Variants in TMEM117 observed in about 807,000 individuals in gnomAD.
TMEM117 encodes transmembrane protein 117.
In TMEM117, 27 loss-of-function variants were observed where a neutral mutation model predicts 52.4. The observed-to-expected ratio is 0.51, with a 90% CI of 0.38 to 0.71. The LOEUF (loss-of-function observed/expected upper bound fraction) is 0.71. Ranked by LOEUF, TMEM117 falls within the 30% of genes least tolerant of loss-of-function variation. TMEM117 has a pLI of 0.00. For missense variants in TMEM117, 556 were observed against 630.5 expected, an observed-to-expected ratio of 0.88 and a Z score of 1.26; for synonymous variants, 215 against 206.3, an observed-to-expected ratio of 1.04 and a Z score of -0.36.
rs1018844364 is a variant in TMEM117 at position 43,867,098 on chromosome 12, A to G, written c.277+22170A>G. ...GAGCAAAAACTCCATCTCAAGAGAAAAAAAAAAAAGAAAAGACAACAATGT... is the reference window on the plus strand; with the variant it reads ...GAGCAAAAACTCCATCTCAAGAGAAGAAAAAAAAAGAAAAGACAACAATGT... On this transcript the variant is annotated intron_variant, in intron 2 of 7. Coordinates refer to ENST00000266534, the MANE Select transcript of TMEM117 (RefSeq NM_032256.3). 4.6e-5 allele frequency among the ~76,000 whole-genome samples: 7 copies of G among 151,796 alleles called. 1 individual carries two copies. Among genetic ancestry groups the G allele is most frequent in the South Asian group, 2.1e-4 (1 of 4,802 alleles).
chr12:43,826,688 T>C, the TMEM117 span, among the ~76,000 whole-genome samples: 47 of 152,272 alleles, frequency 3.1e-4, 2 homozygotes, highest in South Asian at 3.3e-3. Flanking sequence ...CTTTATAGAC[T>C]TGGAAACTGA....
chr12:44,380,043 G>A (rs1014382574), intron 7 of TMEM117, among the ~76,000 whole-genome samples: 3 of 152,208 alleles, frequency 2.0e-5, no homozygotes, highest in Non-Finnish European at 4.4e-5. Flanking sequence ...CAAGTGATAC[G>A]TCTGCTGGCT....
intron 3 of TMEM117, among the ~76,000 whole-genome samples, chr12:43,964,953 A>AG (rs2044901442): frequency 6.6e-6 from 1 of 152,244 alleles, no homozygotes; most frequent in South Asian, 2.1e-4. Flanking sequence ...AATAAGTCAG[A>AG]GGAATTATAA....
intron 5 of TMEM117, among the ~76,000 whole-genome samples, chr12:44,281,184 A>C (rs1382060752): frequency 1.3e-5 from 2 of 152,188 alleles, no homozygotes; most frequent in Non-Finnish European, 2.9e-5. Context: ...TTGATCTTTC[A>C]TTGTGACATG....
intron 6 of TMEM117, among the ~76,000 whole-genome samples, chr12:44,336,825 A>G (rs73088675): frequency 1.5e-3 from 233 of 152,126 alleles, no homozygotes; most frequent in Non-Finnish European, 2.5e-3. Flanking sequence ...TCAAGCTACA[A>G]TCTACATCTT....
chr12:44,317,497 C>A (rs1951071998), intron 6 of TMEM117, among the ~76,000 whole-genome samples: 1 of 151,968 alleles, frequency 6.6e-6, no homozygotes, highest in African/African-American at 2.4e-5. Flanking sequence ...AGGGTTCAAG[C>A]AATCCTCCTG....
intron 2 of TMEM117, among the ~76,000 whole-genome samples, chr12:43,854,184 C>G (rs1943359451): frequency 6.6e-6 from 1 of 151,914 alleles, no homozygotes; most frequent in South Asian, 2.1e-4. Flanking sequence ...AATCTTGAAG[C>G]AGAATTTAAG....
At chr12:43,958,959 A>G (rs1945355227) in intron 3 of TMEM117, among the ~76,000 whole-genome samples, 1 of 151,784 alleles carries the variant, frequency 6.6e-6, no homozygotes, top group African/African-American at 2.4e-5. Context: ...GGCGCCCACC[A>G]CCACGCCCGG....
At chr12:44,340,574 TGG>T (rs1951403606) in intron 6 of TMEM117, among the ~76,000 whole-genome samples, 1 of 152,002 alleles carries the variant, frequency 6.6e-6, no homozygotes, top group Non-Finnish European at 1.5e-5. Context: ...ATATGAGGCT[TGG>T]GGAAGAAACA....
At chr12:44,042,645 C>T (rs1946817644) in intron 3 of TMEM117, among the ~76,000 whole-genome samples, 1 of 152,072 alleles carries the variant, frequency 6.6e-6, no homozygotes, top group Non-Finnish European at 1.5e-5. Flanking sequence ...TCCTGCCCTC[C>T]AACATCAGAC....
chr12:44,132,703 C>A (rs569674960), intron 3 of TMEM117, among the ~76,000 whole-genome samples: 15 of 152,230 alleles, frequency 9.9e-5, no homozygotes, highest in African/African-American at 2.9e-4. Context: ...TCCTACTCTG[C>A]AGTTTTTTTT....
chr12:44,275,052 C>T (rs901695389), intron 5 of TMEM117, among the ~76,000 whole-genome samples: 3 of 152,120 alleles, frequency 2.0e-5, no homozygotes, highest in Admixed American at 2.0e-4. Context: ...AACTACCCAT[C>T]TGACGATGAA....
chr12:43,924,537 T>G (rs555240283), intron 2 of TMEM117, among the ~76,000 whole-genome samples: 3 of 152,178 alleles, frequency 2.0e-5, no homozygotes, highest in Non-Finnish European at 4.4e-5. Context: ...GCTGTGAAGG[T>G]TATTTTCACA....
chr12:44,141,494 C>G (rs1948570904), intron 3 of TMEM117, among the ~76,000 whole-genome samples: 1 of 152,028 alleles, frequency 6.6e-6, no homozygotes, highest in Admixed American at 6.6e-5. Context: ...AGCCGCCTGT[C>G]TCTATTTTTA....
At chr12:44,009,675 G>A (rs774244224) in intron 3 of TMEM117, 4 of 240,660 alleles carry the variant, frequency 1.7e-5, no homozygotes, top group Non-Finnish European at 2.6e-5. Context: ...TTGAAGTCTG[G>A]GGTCACTGCT....
At chr12:44,285,547 C>T (rs1221007934) in intron 5 of TMEM117, among the ~76,000 whole-genome samples, 2 of 152,314 alleles carry the variant, frequency 1.3e-5, no homozygotes, top group African/African-American at 2.4e-5. Flanking sequence ...TTTGTGCTCC[C>T]TCGACATTTC....
chr12:44,343,055 T>G (rs1397227775), intron 6 of TMEM117, among the ~76,000 whole-genome samples: 1 of 151,930 alleles, frequency 6.6e-6, no homozygotes, highest in Non-Finnish European at 1.5e-5. Flanking sequence ...CCAGCTAATT[T>G]TTTTTTTTGT....
rs185174574 is a variant in TMEM117, at chr12:44,385,220, G to T, written c.899-2806G>T. 2.0e-4 allele frequency among the ~76,000 whole-genome samples: 30 copies of T among 152,236 alleles called. 1 individual carries two copies. Among genetic ancestry groups the T allele is most frequent in the Admixed American group, 9.2e-4 (14 of 15,286 alleles). On this transcript the variant is annotated intron_variant, in intron 7 of 7. Transcript: ENST00000266534. ...AACCAGTAAAGATGTGTTGGAGTAG[G>T]TGATGATATCCGTTAACTGATGTTA...
At position 44,023,746 on chromosome 12, in the gene TMEM117, T is replaced by A. The variant is rs551202538; in HGVS notation, c.410+79404T>A. Among the ~76,000 whole-genome samples, 49 of 142,640 alleles carry A rather than the reference T, an allele frequency of 3.4e-4. 1 individual carries two copies. The highest frequency in any genetic ancestry group is 1.2e-3 in the African/African-American group (45 of 38,646). 93.6% of individuals were successfully genotyped at this position (142,640 alleles called of 152,430 possible). A position where few individuals can be genotyped will look rare whatever the true frequency, so the allele number is the denominator to read the frequency against. On this transcript the variant is annotated intron_variant, in intron 3 of 7. Coordinates refer to ENST00000266534, the MANE Select transcript of TMEM117 (RefSeq NM_032256.3). Reference sequence around the variant, plus strand: ...ATTAGCCCTTTGTCAGATGAGTAGGTTGCAAAAATTTTACAATGAGAACAC... The same window carrying A: ...ATTAGCCCTTTGTCAGATGAGTAGGATGCAAAAATTTTACAATGAGAACAC...
Sources: gnomAD v4.1 joint callset for allele counts (sites outside exome capture counted in the v4.1 genomes callset) on GRCh38, gnomAD v4.1.1 for gene constraint, MANE v1.5 for transcripts, NCBI Gene and HGNC (gene_info 2026-07-23, HGNC 2026-07-21) for gene names.